TUSC3: variants seen among roughly 807,000 people sequenced by gnomAD.
The protein encoded by TUSC3 is dolichyl-diphosphooligosaccharide--protein glycosyltransferase subunit TUSC3.
TUSC3 carries 45 observed loss-of-function variants against 44.8 expected under a neutral mutation model. That is an observed-to-expected ratio of 1.00 (90% CI 0.79 to 1.29). TUSC3 has a LOEUF of 1.29. TUSC3 is among the 50% of genes most tolerant of loss of function. The pLI, the probability that TUSC3 is intolerant of heterozygous loss-of-function variation, is 0.00. For synonymous variants in TUSC3, 212 were observed against 152.9 expected (o/e 1.39, Z -2.85); for missense variants, 519 against 437.9 (o/e 1.19, Z -1.65).
chr8:15,744,792 G>GACAT (rs1368617551), intron 8 of TUSC3, among the ~76,000 whole-genome samples: 1 of 151,978 alleles, frequency 6.6e-6, no homozygotes, highest in East Asian at 1.9e-4. Flanking sequence ...TGCCTATGAG[G>GACAT]ACATACTATT....
chr8:15,726,535 G>A (rs1042427483), intron 6 of TUSC3, among the ~76,000 whole-genome samples: 2 of 152,132 alleles, frequency 1.3e-5, no homozygotes, highest in African/African-American at 2.4e-5. Context: ...GCCAGGTGCG[G>A]TGGCTCACGC....
chr8:15,763,960 TA>T (rs1222138326), intron 10 of TUSC3, among the ~76,000 whole-genome samples: 1 of 152,080 alleles, frequency 6.6e-6, no homozygotes, highest in East Asian at 1.9e-4. Context: ...TATGTAAATT[TA>T]AACCACAAAT....
At chr8:15,700,378 A>G (rs551493832) in intron 6 of TUSC3, among the ~76,000 whole-genome samples, 1 of 152,290 alleles carries the variant, frequency 6.6e-6, no homozygotes, top group East Asian at 1.9e-4. Context: ...GTGATTCTAC[A>G]GTTAATTTCT....
intron 6 of TUSC3, among the ~76,000 whole-genome samples, chr8:15,687,717 C>T (rs1808699637): frequency 6.6e-6 from 1 of 152,040 alleles, no homozygotes; most frequent in South Asian, 2.1e-4. Flanking sequence ...TGATTTGTAC[C>T]CTTACTTCAT....
chr8:15,793,150 C>G, the TUSC3 span, among the ~76,000 whole-genome samples: 1 of 152,128 alleles, frequency 6.6e-6, no homozygotes, highest in Non-Finnish European at 1.5e-5. Flanking sequence ...ATTGTTTGCT[C>G]TGTGACTTAC....
intron 1 of TUSC3, among the ~76,000 whole-genome samples, chr8:15,470,905 C>A (rs752893473): frequency 1.3e-5 from 2 of 152,086 alleles, no homozygotes. Context: ...GTGCCCTGAG[C>A]TGAGGGGACA....
intron 1 of TUSC3, among the ~76,000 whole-genome samples, chr8:15,560,498 C>A (rs1047337390): frequency 2.0e-5 from 3 of 150,976 alleles, no homozygotes; most frequent in African/African-American, 7.3e-5. Context: ...TTGCTCTTCT[C>A]GAGAAGTATC....
chr8:15,813,214 A>G, the TUSC3 span, among the ~76,000 whole-genome samples: 1 of 152,184 alleles, frequency 6.6e-6, no homozygotes, highest in Non-Finnish European at 1.5e-5. Flanking sequence ...AGATGTAGAC[A>G]CTGTGTAATC....
chr8:15,575,475 T>G (rs1324732299), intron 1 of TUSC3, among the ~76,000 whole-genome samples: 1 of 152,124 alleles, frequency 6.6e-6, no homozygotes, highest in African/African-American at 2.4e-5. Flanking sequence ...TTTCAAAAAT[T>G]CTTCTGAGGG....
intron 1 of TUSC3, among the ~76,000 whole-genome samples, chr8:15,427,342 A>G (rs1311523685): frequency 6.6e-6 from 1 of 151,828 alleles, no homozygotes; most frequent in African/African-American, 2.4e-5. Flanking sequence ...AGTGTCAGGC[A>G]GCCATCAGGT....
intron 5 of TUSC3, among the ~76,000 whole-genome samples, chr8:15,669,616 AT>A (rs545297261): frequency 2.2e-4 from 34 of 152,036 alleles, no homozygotes; most frequent in South Asian, 1.4e-3. Context: ...AAACAAAAAA[AT>A]ATGATCATCT....
chr8:15,656,267 C>G (rs1222026200), intron 3 of TUSC3, among the ~76,000 whole-genome samples: 1 of 151,980 alleles, frequency 6.6e-6, no homozygotes, highest in Admixed American at 6.5e-5. Context: ...TTCCAAAGTC[C>G]AAAGTCTTAA....
At chr8:15,465,201 G>A (rs1308489427) in intron 1 of TUSC3, among the ~76,000 whole-genome samples, 4 of 152,094 alleles carry the variant, frequency 2.6e-5, no homozygotes, top group African/African-American at 9.7e-5. Context: ...ATTTTCCATT[G>A]CCAAATGTAT....
At chr8:15,821,585 T>G in the TUSC3 span, among the ~76,000 whole-genome samples, 6 of 142,138 alleles carry the variant, frequency 4.2e-5, no homozygotes, top group African/African-American at 1.3e-4. Flanking sequence ...AAGATGAGGG[T>G]TTTTTTTTTT....
chr8:15,820,660 T>C, the TUSC3 span, among the ~76,000 whole-genome samples: 1 of 152,184 alleles, frequency 6.6e-6, no homozygotes, highest in East Asian at 1.9e-4. Flanking sequence ...GATTTCGGTA[T>C]TGGCATTATG....
At chr8:15,501,517 G>T (rs1231923723) in intron 2 of TUSC3, among the ~76,000 whole-genome samples, 1 of 152,166 alleles carries the variant, frequency 6.6e-6, no homozygotes, top group Admixed American at 6.5e-5. Flanking sequence ...CATAGTAAAT[G>T]TTTATTGAAT....
At chr8:15,547,408 T>C (rs1254943002) in intron 1 of TUSC3, among the ~76,000 whole-genome samples, 2 of 151,676 alleles carry the variant, frequency 1.3e-5, no homozygotes, top group Non-Finnish European at 2.9e-5. Flanking sequence ...AAACTAAAGG[T>C]CATAAATTGT....
chr8:15,555,914 TATATC>T lies in TUSC3; in HGVS notation c.138+15348_138+15352del, dbSNP rs544559411. Among the ~76,000 whole-genome samples the T allele has an allele frequency of 2.4e-3, 360 of 151,722 alleles. 4 individuals are homozygous for T. Among genetic ancestry groups the T allele is most frequent in the African/African-American group, 8.2e-3 (342 of 41,520 alleles). On this transcript the variant is annotated intron_variant, in intron 1 of 10. Coordinates refer to ENST00000503731, the MANE Select transcript of TUSC3 (RefSeq NM_006765.4). Reference sequence around the variant, plus strand: ...ATAATTTATAGTTCTCTGATAAAAATATATCAATAATGTATGCTTTCTGGATATAA... The same window carrying T: ...ATAATTTATAGTTCTCTGATAAAAATAATAATGTATGCTTTCTGGATATAA...
At chr8:15,440,253 C>G (rs1037132207) in intron 1 of TUSC3, among the ~76,000 whole-genome samples, 18 of 152,126 alleles carry the variant, frequency 1.2e-4, no homozygotes, top group Admixed American at 3.3e-4. Flanking sequence ...GCAGTGGAAA[C>G]AACACATGCA....
Sources: allele counts gnomAD v4.1 joint callset (sites outside exome capture counted in the v4.1 genomes callset), GRCh38; gene constraint gnomAD v4.1.1; transcripts MANE v1.5; gene names NCBI Gene and HGNC (gene_info 2026-07-23, HGNC 2026-07-21).